SNX1: variants seen among roughly 807,000 people sequenced by gnomAD.
The protein encoded by SNX1 is sorting nexin 1, also known as sorting nexin-1.
In SNX1, 36 loss-of-function variants were observed where a neutral mutation model predicts 71.8. That is an observed-to-expected ratio of 0.50 (90% confidence interval 0.38 to 0.66). The LOEUF (loss-of-function observed/expected upper bound fraction) is 0.66, where lower values mean the gene tolerates loss of function less well. Ranked by LOEUF, SNX1 falls within the 30% of genes least tolerant of loss-of-function variation. The probability of loss-of-function intolerance (pLI) is 0.00; values close to 1 mark genes in which losing one functional copy is unlikely to be tolerated. For missense variants in SNX1, 612 were observed against 646.7 expected (o/e 0.95, Z 0.58); for synonymous variants, 254 against 240.7 (o/e 1.06, Z -0.51).
intron 1 of SNX1, among the ~76,000 whole-genome samples, chr15:64,111,128 G>GT (rs1327836441): frequency 2.0e-5 from 3 of 152,250 alleles, no homozygotes; most frequent in African/African-American, 7.2e-5. Context: ...TGAGATCTAT[G>GT]TACTGTACAA....
intron 4 of SNX1, among the ~76,000 whole-genome samples, 180 bp downstream of exon 4, chr15:64,119,034 A>G (rs2081163487): frequency 6.8e-6 from 1 of 146,604 alleles, no homozygotes; most frequent in East Asian, 1.9e-4. Context: ...CTGTTACTCA[A>G]TGCGTTAGTC....
At chr15:64,122,673 G>A (rs2081207923) in intron 4 of SNX1, among the ~76,000 whole-genome samples, 1 of 152,146 alleles carries the variant, frequency 6.6e-6, no homozygotes, top group Non-Finnish European at 1.5e-5. Context: ...AAGGAATCAA[G>A]GGTGGGGGAG....
chr15:64,099,643 C>A (rs916775274), intron 1 of SNX1, among the ~76,000 whole-genome samples: 3 of 152,140 alleles, frequency 2.0e-5, no homozygotes, highest in Non-Finnish European at 2.9e-5. Context: ...AAAAGTGAAA[C>A]CCCATCTCAA....
At chr15:64,118,390 A>G in intron 3 of SNX1, 146 bp downstream of exon 3, 1 of 891,318 alleles carries the variant, frequency 1.1e-6, no homozygotes, top group Admixed American at 2.7e-5. Context: ...CCAGAATCCA[A>G]TACAGGAGTC....
chr15:64,128,178 A>G (rs368013691), intron 8 of SNX1, among the ~76,000 whole-genome samples: 2 of 152,238 alleles, frequency 1.3e-5, no homozygotes, highest in South Asian at 2.1e-4. Flanking sequence ...CCATGTAGGA[A>G]AAGTGTTGAT....
In SNX1 at chr15:64,096,027, G is replaced by A. The variant is rs754960914; in HGVS notation, c.14G>A (p.Gly5Asp). 1.6e-5 allele frequency: 25 copies of A among 1,595,726 alleles called. No individual in the cohort carries two copies. In the East Asian group the frequency reaches 4.3e-4, roughly 27 times the overall value. The change falls in exon 1 of 15, where the codon GGT becomes GAT. Residue 5 changes from glycine to aspartate, a missense_variant. Gly to Asp is a moderately conservative substitution (Grantham distance 94, BLOSUM62 -1). Transcript: ENST00000559844. MASG[G>D]GGCSASERLP... Reference sequence around the variant, plus strand: ...GGGTGGAAGAAGATGGCGTCGGGTGGTGGTGGCTGTAGCGCTTCGGAGAGA... The same window carrying A: ...GGGTGGAAGAAGATGGCGTCGGGTGATGGTGGCTGTAGCGCTTCGGAGAGA...
intron 1 of SNX1, among the ~76,000 whole-genome samples, chr15:64,106,759 C>T (rs553337176): frequency 3.9e-5 from 6 of 152,150 alleles, no homozygotes; most frequent in South Asian, 4.1e-4. Context: ...AGAAGTGGGC[C>T]GTGAGGCAAA....
intron 1 of SNX1, 45 bp downstream of exon 1, chr15:64,096,217 A>G: frequency 3.9e-6 from 6 of 1,535,760 alleles, no homozygotes; most frequent in Non-Finnish European, 5.2e-6. Flanking sequence ...GGCACCCCGA[A>G]AGGGAAGAGA....
chr15:64,131,721 T>C lies in SNX1; in HGVS notation c.1050T>C (p.Ser350=). The C allele has an allele frequency of 6.2e-7, 1 of 1,614,040 alleles. No individual in the cohort carries two copies. Among genetic ancestry groups the C allele is most frequent in the Non-Finnish European group, 8.5e-7 (1 of 1,180,004 alleles). The part of the protein sequence containing the change: ...LALNTAQFAK[S]LAMLGSSEDN... ...TGAACACAGCCCAGTTTGCAAAGAG[T>C]CTAGCCATGCTTGGGAGCTCTGAGG... The change falls in exon 11 of 15, where the codon AGT becomes AGC. Residue 350 remains serine (S), a synonymous_variant. Coordinates refer to ENST00000559844, the MANE Select transcript of SNX1 (RefSeq NM_003099.5).
intron 5 of SNX1, among the ~76,000 whole-genome samples, chr15:64,125,484 A>G (rs1055400677): frequency 3.3e-5 from 5 of 150,542 alleles, no homozygotes; most frequent in Admixed American, 1.3e-4. Context: ...AAAAAAAAAA[A>G]GCAGTGAAGA....
In SNX1 at chr15:64,142,464, A is replaced by T. The variant is rs1030661097; in HGVS notation, c.*4846A>T. ...ATAAAATTCAGAGAAGAGAAAGAGA[A>T]TGACTATCAGAGCCATGTTTGGAAG... On this transcript the variant is annotated 3_prime_UTR_variant, in exon 15 of 15. Transcript: ENST00000559844. 4.6e-5 allele frequency: 15 copies of T among 326,154 alleles called. No individual in the cohort carries two copies. Among genetic ancestry groups the T allele is most frequent in the Non-Finnish European group, 7.3e-5 (12 of 164,124 alleles). 20.2% of individuals were successfully genotyped at this position (326,154 alleles called of 1,614,324 possible). A position where few individuals can be genotyped will look rare whatever the true frequency, so the allele number is the denominator to read the frequency against.
In SNX1 at chr15:64,138,315, TTC is replaced by T. The variant is rs1187054868; in HGVS notation, c.*707_*708del. On this transcript the variant is annotated 3_prime_UTR_variant, in exon 15 of 15. Transcript: ENST00000559844. ...TTCTCCTGCAAAGGAGGCAGAGACT[TTC>T]TCTCTCTCTTTTTTTTTTTTTTTTG... is the stretch of plus-strand genomic sequence containing the variant. 2.3e-4 allele frequency: 210 copies of T among 930,544 alleles called. 2 individuals carry two copies. The highest frequency in any genetic ancestry group is 1.9e-3 in the African/African-American group (96 of 50,848). 57.6% of individuals were successfully genotyped at this position (930,544 alleles called of 1,614,324 possible). A position where few individuals can be genotyped will look rare whatever the true frequency, so the allele number is the denominator to read the frequency against.
chr15:64,137,461 G>A, intron 14 of SNX1, 107 bp from the exon 15 acceptor site: 1 of 1,234,288 alleles, frequency 8.1e-7, no homozygotes, highest in African/African-American at 1.5e-5. Context: ...GCCTTTGTGT[G>A]GCAGGCGCTT....
Position 64,118,225 on chromosome 15 carries a change from C to G in SNX1, c.380C>G (p.Pro127Arg). The G allele has an allele frequency of 6.2e-7, 1 of 1,613,356 alleles. No homozygotes were observed. Among genetic ancestry groups the G allele is most frequent in the South Asian group, 1.1e-5 (1 of 91,026 alleles). The change falls in exon 3 of 15, where the codon CCC (proline) becomes CGC (arginine). Residue 127 changes from proline (P) to arginine (R), a missense_variant. By Grantham distance (103) the Pro-to-Arg change is moderately radical (BLOSUM62 -2). Coordinates refer to ENST00000559844, the MANE Select transcript of SNX1 (RefSeq NM_003099.5). ...PPQEATNSSK[P>R]QPTYEELEEE... is the part of the protein sequence containing the mutation. The stretch of plus-strand genomic sequence containing the variant: ...CAGGAAGCCACAAATTCTTCGAAGC[C>G]CCAGCCAACCTATGAGGAGGTGAGG...
rs2081372858 is a variant in SNX1 at position 64,137,644 on chromosome 15, TG to T, written c.*27del. The stretch of plus-strand genomic sequence containing the variant: ...TGGACCAAGGACCCCAGAGCCCACC[TG>T]TGTGACGCTGCCTTTTTATACACTG... On this transcript the variant is annotated 3_prime_UTR_variant, in exon 15 of 15. Transcript: ENST00000559844. 6.2e-7 allele frequency: 1 copy of T among 1,614,116 alleles called. No individual in the cohort carries two copies.
At chr15:64,105,264 T>G (rs1289842657) in intron 1 of SNX1, among the ~76,000 whole-genome samples, 1 of 151,960 alleles carries the variant, frequency 6.6e-6, no homozygotes, top group African/African-American at 2.4e-5. Context: ...CAATAAAGGT[T>G]GCCGTCAGAC....
chr15:64,136,224 C>A, intron 12 of SNX1, 106 bp from the exon 13 acceptor site: 1 of 840,038 alleles, frequency 1.2e-6, no homozygotes, highest in Non-Finnish European at 2.0e-6. Flanking sequence ...GACAGACAGA[C>A]ATAATGATCA....
chr15:64,115,909 T>C (rs1451271673), intron 2 of SNX1, among the ~76,000 whole-genome samples: 2 of 152,252 alleles, frequency 1.3e-5, no homozygotes, highest in African/African-American at 2.4e-5. Context: ...CTGCATGATG[T>C]GAATATCCTA....
At chr15:64,112,200 G>T (rs746022099) in intron 1 of SNX1, among the ~76,000 whole-genome samples, 5 of 152,220 alleles carry the variant, frequency 3.3e-5, no homozygotes, top group Non-Finnish European at 5.9e-5. Context: ...CTGGACTCCA[G>T]TGTAGTATCC....
Sources: allele counts gnomAD v4.1 joint callset (sites outside exome capture counted in the v4.1 genomes callset), GRCh38; gene constraint gnomAD v4.1.1; transcripts MANE v1.5; gene names NCBI Gene and HGNC (gene_info 2026-07-23, HGNC 2026-07-21).